CLMN: variants seen among roughly 807,000 people sequenced by gnomAD.
CLMN encodes the protein calmin (calponin-like, transmembrane).
A neutral mutation model predicts 92.7 loss-of-function variants in CLMN; 57 were observed. That is an observed-to-expected ratio of 0.61 (90% confidence interval 0.50 to 0.77). The LOEUF (loss-of-function observed/expected upper bound fraction) is 0.77, where lower values mean the gene tolerates loss of function less well. Ranked by LOEUF, CLMN falls within the 30% of genes least tolerant of loss-of-function variation. The pLI is 0.00. For missense variants in CLMN, 1,158 were observed against 1,237.5 expected, an observed-to-expected ratio of 0.94 and a Z score of 0.96; for synonymous variants, 466 against 470.6, an observed-to-expected ratio of 0.99 and a Z score of 0.13.
At chr14:95,271,843 C>A (rs1196146364) in intron 1 of CLMN, among the ~76,000 whole-genome samples, 1 of 152,238 alleles carries the variant, frequency 6.6e-6, no homozygotes, top group Non-Finnish European at 1.5e-5. Flanking sequence ...CAAAGGTATG[C>A]ACTATCTTGA....
intron 1 of CLMN, among the ~76,000 whole-genome samples, chr14:95,232,603 G>A (rs147651290): frequency 8.7e-4 from 133 of 152,288 alleles, no homozygotes; most frequent in Middle Eastern, 3.4e-3. Context: ...ATAGGCATAA[G>A]AATTAAAGAA....
chr14:95,231,193 C>CTTTT (rs59211402), intron 1 of CLMN, among the ~76,000 whole-genome samples: 1 of 137,342 alleles, frequency 7.3e-6, no homozygotes, highest in Non-Finnish European at 1.6e-5. Context: ...AATCCTCTAA[C>CTTTT]TTTTTTTTTT....
intron 1 of CLMN, among the ~76,000 whole-genome samples, chr14:95,310,283 C>A (rs1163082729): frequency 1.3e-5 from 2 of 152,202 alleles, no homozygotes; most frequent in East Asian, 3.8e-4. Context: ...AACGACCTAA[C>A]ACAAGGTCCC....
Position 95,203,099 on chromosome 14 carries a change from T to C in CLMN, c.2250A>G (p.Leu750=), listed in dbSNP as rs1312163376. 1 of 1,613,856 alleles carries C rather than the reference T, an allele frequency of 6.2e-7. No homozygotes were observed. The highest frequency in any genetic ancestry group is 1.3e-5 in the African/African-American group (1 of 75,054). Reference sequence around the variant, plus strand: ...CTTCGAGATCCATTTCTTCATTTTTTAGATCCTCCGGGTCTTCTACATAAG... The same window carrying C: ...CTTCGAGATCCATTTCTTCATTTTTCAGATCCTCCGGGTCTTCTACATAAG... ...LEAYVEDPED[L]KNEEMDLEEP... is the part of the protein sequence containing the mutation. Residue 750 remains leucine (L), a synonymous_variant, in exon 9 of 13, where the codon CTA becomes CTG. Coordinates refer to ENST00000298912, the MANE Select transcript of CLMN (RefSeq NM_024734.4).
chr14:95,255,500 G>T (rs1898961460), intron 1 of CLMN, among the ~76,000 whole-genome samples: 1 of 152,108 alleles, frequency 6.6e-6, no homozygotes, highest in African/African-American at 2.4e-5. Flanking sequence ...GTATGTGCAG[G>T]AAAAAGCATA....
At chr14:95,252,174 T>C (rs1431922289) in intron 1 of CLMN, among the ~76,000 whole-genome samples, 1 of 152,082 alleles carries the variant, frequency 6.6e-6, no homozygotes, top group East Asian at 1.9e-4. Flanking sequence ...CAGCAACTAA[T>C]TAATGTTTTA....
At chr14:95,291,572 T>A (rs1900568118) in intron 1 of CLMN, among the ~76,000 whole-genome samples, 1 of 152,156 alleles carries the variant, frequency 6.6e-6, no homozygotes, top group African/African-American at 2.4e-5. Context: ...GGAGTCAGAC[T>A]GGCCCCAGCA....
At chr14:95,245,221 T>TATTATATATATATA (rs1898464239) in intron 1 of CLMN, among the ~76,000 whole-genome samples, 1 of 33,112 alleles carries the variant, frequency 3.0e-5, no homozygotes, top group Non-Finnish European at 4.6e-5. Flanking sequence ...TATATATATA[T>TATTATATATATATA]ATATTATATA....
At chr14:95,311,663 G>A (rs541360280) in intron 1 of CLMN, among the ~76,000 whole-genome samples, 3 of 152,238 alleles carry the variant, frequency 2.0e-5, no homozygotes, top group South Asian at 4.2e-4. Context: ...GCATGGGCCC[G>A]TCTGGGACGC....
chr14:95,251,011 A>T (rs1302450514), intron 1 of CLMN, among the ~76,000 whole-genome samples: 2 of 152,170 alleles, frequency 1.3e-5, no homozygotes, highest in African/African-American at 2.4e-5. Context: ...ACAGTACAGG[A>T]AATCTGCTCC....
At chr14:95,221,193 T>C (rs778001820) in intron 4 of CLMN, among the ~76,000 whole-genome samples, 4 of 152,116 alleles carry the variant, frequency 2.6e-5, no homozygotes, top group Admixed American at 1.3e-4. Context: ...CTGTGAAGAA[T>C]GTGGAGCAGG....
chr14:95,212,115 C>A (rs1306115563), intron 6 of CLMN, among the ~76,000 whole-genome samples: 1 of 152,186 alleles, frequency 6.6e-6, no homozygotes, highest in Non-Finnish European at 1.5e-5. Flanking sequence ...CTCTGAAGAT[C>A]CAACCTCTCT....
chr14:95,225,238 T>C (rs930785532), intron 2 of CLMN, among the ~76,000 whole-genome samples: 2 of 151,716 alleles, frequency 1.3e-5, no homozygotes, highest in Non-Finnish European at 2.9e-5. Context: ...GCACCTCACA[T>C]GAGCCAACGA....
At chr14:95,206,879 T>G (rs1203715013) in intron 8 of CLMN, among the ~76,000 whole-genome samples, 1 of 152,190 alleles carries the variant, frequency 6.6e-6, no homozygotes, top group East Asian at 1.9e-4. Context: ...TCAGGGCTAA[T>G]GAAAGCCCCA....
At chr14:95,218,532 G>A (rs549291367) in intron 4 of CLMN, among the ~76,000 whole-genome samples, 206 of 152,318 alleles carry the variant, frequency 1.4e-3, no homozygotes, top group African/African-American at 4.4e-3. Context: ...TCTGGGCACC[G>A]CTTTAGCTCA....
At chr14:95,232,370 G>C (rs1342286946) in intron 1 of CLMN, among the ~76,000 whole-genome samples, 5 of 152,230 alleles carry the variant, frequency 3.3e-5, no homozygotes, top group Admixed American at 1.3e-4. Flanking sequence ...AAGAAAATGA[G>C]AGCCAATTGA....
In CLMN at chr14:95,191,583, A is replaced by T; in HGVS notation, c.2990T>A (p.Leu997Gln). The change falls in exon 13 of 13, where the codon CTG becomes CAG. Residue 997 changes from leucine (L) to glutamine (Q), a missense_variant. By Grantham distance (113) the Leu-to-Gln change is moderately radical. Coordinates refer to ENST00000298912, the MANE Select transcript of CLMN (RefSeq NM_024734.4). The surrounding 1 kb of genome is among the most constrained non-coding windows in gnomAD (Gnocchi z 5.3). Reference protein sequence around the residue: ...LVYCLLLFPQLDVSRL With the variant: ...LVYCLLLFPQQDVSRL ...CACGTATCAGAGCCTGCTAACATCC[A>T]GTTGTGGGAAGAGCAGCAAGCAGTA... The T allele has an allele frequency of 6.2e-7, 1 of 1,612,882 alleles. No homozygotes were observed.
intron 1 of CLMN, among the ~76,000 whole-genome samples, chr14:95,269,048 G>A (rs1487241983): frequency 1.3e-5 from 2 of 151,698 alleles, no homozygotes; most frequent in South Asian, 2.1e-4. Flanking sequence ...GTGATCCGCC[G>A]CCTCAGCCTC....
chr14:95,199,602 C>G (rs957461329), intron 9 of CLMN, among the ~76,000 whole-genome samples: 8 of 152,192 alleles, frequency 5.3e-5, no homozygotes, highest in African/African-American at 7.2e-5. Flanking sequence ...ATCCAAAGAT[C>G]AATACACAAA....
Sources: gnomAD v4.1 joint callset for allele counts (sites outside exome capture counted in the v4.1 genomes callset) on GRCh38, gnomAD v4.1.1 for gene constraint, Gnocchi (gnomAD v3.1) non-coding constraint, MANE v1.5 for transcripts, NCBI Gene and HGNC (gene_info 2026-07-23, HGNC 2026-07-21) for gene names.